Variants in PIGG observed in about 807,000 individuals in gnomAD.
PIGG encodes the protein GPI ethanolamine phosphate transferase 2, catalytic subunit.
In PIGG, 70 loss-of-function variants were observed where a neutral mutation model predicts 83.2. The observed-to-expected ratio is 0.84, with a 90% CI of 0.69 to 1.03. The LOEUF (loss-of-function observed/expected upper bound fraction) is 1.03, where lower values mean the gene tolerates loss of function less well. Among genes scored for constraint, PIGG ranks in the 50% least tolerant of loss-of-function variants. The probability of loss-of-function intolerance (pLI) is 0.00; values close to 1 mark genes in which losing one functional copy is unlikely to be tolerated. For synonymous variants in PIGG, 532 were observed against 519.5 expected (o/e 1.02, Z -0.33); for missense variants, 1,257 against 1,233.6 (o/e 1.02, Z -0.28).
At position 528,918 on chromosome 4, in the gene PIGG, AG is replaced by A. The variant is rs1458500193; in HGVS notation, c.2262-1516del. 1.3e-5 allele frequency among the ~76,000 whole-genome samples: 2 copies of A among 152,086 alleles called. No homozygotes were observed. The highest frequency in any genetic ancestry group is 4.8e-5 in the African/African-American group (2 of 41,420). On this transcript the variant is annotated intron_variant, in intron 10 of 12. Coordinates refer to ENST00000453061, the MANE Select transcript of PIGG (RefSeq NM_001127178.3). This position sits in a 1 kb window ranked among gnomAD's most constrained non-coding sequence, Gnocchi z 4.8. ...GTCCCCATCTGTCCCGATCGTAAATAGGTCCTGGCTACAGAGGCATCCTGGC... is the reference window on the plus strand; with the variant it reads ...GTCCCCATCTGTCCCGATCGTAAATAGTCCTGGCTACAGAGGCATCCTGGC...
intron 10 of PIGG, 153 bp downstream of exon 10, chr4:527,383 T>C: frequency 7.2e-7 from 1 of 1,390,922 alleles, no homozygotes; most frequent in Non-Finnish European, 9.3e-7. Context: ...TGAATTGTGA[T>C]TGTGTCAACA....
chr4:509,587 C>G (rs1197631916), intron 5 of PIGG, among the ~76,000 whole-genome samples: 3 of 152,240 alleles, frequency 2.0e-5, no homozygotes, highest in Non-Finnish European at 1.5e-5. Flanking sequence ...GTAATTTCTG[C>G]CGTCAGGCAC....
chr4:533,428 G>A (rs56073674), intron 11 of PIGG: 5,786 of 187,006 alleles, frequency 0.031, 155 homozygotes, highest in Non-Finnish European at 0.049. Context: ...GGCCCTATGC[G>A]CCCCTCGGAT....
chr4:520,896 A>T (rs1398653524), intron 6 of PIGG, among the ~76,000 whole-genome samples, 160 bp from the exon 7 acceptor site: 1 of 152,058 alleles, frequency 6.6e-6, no homozygotes, highest in African/African-American at 2.4e-5. Context: ...GGCGTTGCAG[A>T]CCCCCCACCC....
intron 12 of PIGG, among the ~76,000 whole-genome samples, chr4:537,676 C>T (rs747923721): frequency 4.6e-5 from 7 of 152,000 alleles, no homozygotes; most frequent in Non-Finnish European, 8.8e-5. Context: ...CCAGAGGCAC[C>T]GGCCACCCAC....
Position 515,087 on chromosome 4 carries a change from A to G in PIGG, c.902-886A>G, listed in dbSNP as rs1054052217. On this transcript the variant is annotated intron_variant, in intron 5 of 12. Coordinates refer to ENST00000453061, the MANE Select transcript of PIGG (RefSeq NM_001127178.3). The surrounding 1 kb of genome is among the most constrained non-coding windows in gnomAD (Gnocchi z 4.2). ...GACCAAATTAAAAACTCGCTACAAA[A>G]AACTTACCACAATCAAAGTAAAACC... 1.8e-4 allele frequency among the ~76,000 whole-genome samples: 27 copies of G among 152,224 alleles called. No homozygotes were observed. The highest frequency in any genetic ancestry group is 6.3e-4 in the African/African-American group (26 of 41,456).
intron 2 of PIGG, among the ~76,000 whole-genome samples, chr4:504,996 A>C (rs1395978234): frequency 6.6e-6 from 1 of 152,160 alleles, no homozygotes; most frequent in Non-Finnish European, 1.5e-5. Flanking sequence ...TTCCACTCAA[A>C]GGTAGACATT....
At chr4:530,076 A>G (rs1728641113) in intron 10 of PIGG, among the ~76,000 whole-genome samples, 1 of 152,176 alleles carries the variant, frequency 6.6e-6, no homozygotes, top group African/African-American at 2.4e-5. Context: ...CTCTTATACT[A>G]GTGCGTTGGG....
chr4:507,273 G>T, intron 3 of PIGG, 132 bp from the exon 4 acceptor site: 1 of 680,092 alleles, frequency 1.5e-6, no homozygotes, highest in South Asian at 1.9e-5. Flanking sequence ...AGATTTTGTT[G>T]TGTTTCAACT....
intron 12 of PIGG, chr4:537,328 C>G (rs1045327063): frequency 2.0e-5 from 3 of 152,070 alleles, no homozygotes; most frequent in African/African-American, 7.2e-5. Context: ...TGGCTCTTTG[C>G]TAAAGTGGTG....
Position 521,283 on chromosome 4 carries a change from C to T in PIGG, c.1332+10C>T. The stretch of plus-strand genomic sequence containing the variant: ...TGTCGTGGTTTTGGAGGTACAGATG[C>T]TCACACAGTCATGGCTCAGGTGTTG... On this transcript the variant is annotated intron_variant, in intron 7 of 12. Transcript: ENST00000453061. 6.3e-7 allele frequency: 1 copy of T among 1,584,052 alleles called. No homozygotes were observed. Among genetic ancestry groups the T allele is most frequent in the South Asian group, 1.1e-5 (1 of 90,440 alleles).
rs1576991785 is a variant in PIGG, at chr4:500,611, C to T, written c.360+10C>T. 9 of 1,556,978 alleles carry T rather than the reference C, an allele frequency of 5.8e-6. No individual in the cohort carries two copies. The highest frequency in any genetic ancestry group is 1.4e-5 in the African/African-American group (1 of 73,772). On this transcript the variant is annotated intron_variant, in intron 2 of 12. Coordinates refer to ENST00000453061, the MANE Select transcript of PIGG (RefSeq NM_001127178.3). ...TATGCCTCGAATCAAGGTAAGTTTG[C>T]CTTAATGTTTTATGAATCATGGTTT...
intron 12 of PIGG, chr4:536,981 A>G (rs913082957): frequency 1.3e-5 from 2 of 152,138 alleles, no homozygotes; most frequent in African/African-American, 4.8e-5. Context: ...CATCTCTTAC[A>G]CAGCCAGGCA....
rs1716581651 is a variant in PIGG, at chr4:499,246, T to C, written c.-90T>C. On this transcript the variant is annotated 5_prime_UTR_variant, in exon 1 of 13. Transcript: ENST00000453061. ...GACGATAAGGCCTGGCGTTATTGCTTAGAGGCGGCTACCTGGAGCCGGAAG... is the reference window on the plus strand; with the variant it reads ...GACGATAAGGCCTGGCGTTATTGCTCAGAGGCGGCTACCTGGAGCCGGAAG... 2 of 1,426,088 alleles carry C rather than the reference T, an allele frequency of 1.4e-6. No individual in the cohort carries two copies. Among genetic ancestry groups the C allele is most frequent in the Non-Finnish European group, 1.9e-6 (2 of 1,044,470 alleles). The allele number at this position is 1,426,088 out of a possible 1,614,324, so 88.3% of individuals were successfully genotyped here.
At position 507,589 on chromosome 4, in the gene PIGG, C is replaced by T. The variant is rs1228647301; in HGVS notation, c.755C>T (p.Ser252Leu). The T allele has an allele frequency of 3.7e-6, 6 of 1,609,374 alleles. No homozygotes were observed. Among genetic ancestry groups the T allele is most frequent in the East Asian group, 4.5e-5 (2 of 44,742 alleles). ...ATGAAGATCCACACCTCACTGCAGT[C>T]GAAGGTGAGGCTCGCCGTCGCTCAC... is the stretch of plus-strand genomic sequence containing the variant. ...VLMKIHTSLQ[S>L]KERETPLPNL... Residue 252 changes from serine (S) to leucine (L), a missense_variant, in exon 4 of 13, where the codon TCG becomes TTG. By Grantham distance (145) the Ser-to-Leu change is moderately radical. Transcript: ENST00000453061.
intron 12 of PIGG, among the ~76,000 whole-genome samples, chr4:534,919 T>G (rs1577156785): frequency 6.7e-6 from 1 of 150,232 alleles, no homozygotes; most frequent in East Asian, 2.0e-4. Flanking sequence ...CTCCTGGCGG[T>G]TTTGTGCAGA....
chr4:520,305 C>G (rs916619354), intron 6 of PIGG, among the ~76,000 whole-genome samples: 1 of 152,192 alleles, frequency 6.6e-6, no homozygotes, highest in Non-Finnish European at 1.5e-5. Context: ...AGTGTGGTCC[C>G]GGCAGAGGCT....
rs1553880199 is a variant in PIGG at position 507,487 on chromosome 4, T to C, written c.653T>C (p.Leu218Pro). The C allele has an allele frequency of 1.7e-5, 27 of 1,613,974 alleles. No homozygotes were observed. The highest frequency in any genetic ancestry group is 2.2e-5 in the East Asian group (1 of 44,902). The part of the protein sequence containing the change: ...WDILILHYLG[L>P]DHIGHISGPN... ...ATATTAATCCTCCACTACCTGGGGC[T>C]GGACCACATTGGCCACATTTCAGGG... The change falls in exon 4 of 13, where the codon CTG becomes CCG. Residue 218 changes from leucine to proline, a missense_variant. By Grantham distance (98) the Leu-to-Pro change is moderately conservative. Transcript: ENST00000453061.
chr4:539,452 A>T lies in PIGG; in HGVS notation c.*83A>T. 2 of 824,820 alleles carry T rather than the reference A, an allele frequency of 2.4e-6. No homozygotes were observed. Among genetic ancestry groups the T allele is most frequent in the South Asian group, 1.7e-5 (1 of 59,538 alleles). 51.1% of individuals were successfully genotyped at this position (824,820 alleles called of 1,614,324 possible). ...GAAAGATATGAATTCAACAAAGTTG[A>T]TGGATAACTTTCTTTGACTGCTCTA... On this transcript the variant is annotated 3_prime_UTR_variant, in exon 13 of 13. Transcript: ENST00000453061.
Sources: allele counts gnomAD v4.1 joint callset (sites outside exome capture counted in the v4.1 genomes callset), GRCh38; gene constraint gnomAD v4.1.1; non-coding constraint Gnocchi (gnomAD v3.1); transcripts MANE v1.5; gene names NCBI Gene and HGNC (gene_info 2026-07-23, HGNC 2026-07-21).